ATG7: variants seen among roughly 807,000 people sequenced by gnomAD.
The protein encoded by ATG7 is autophagy related 7.
Under a neutral mutation model 82.4 loss-of-function variants are expected in ATG7, and 70 were observed. The ratio of observed to expected loss-of-function variants is 0.85; its 90% CI spans 0.70 to 1.04. The LOEUF is 1.04. Ranked by LOEUF, ATG7 falls within the 50% of genes least tolerant of loss-of-function variation. The pLI is 0.00. For synonymous variants in ATG7, 287 were observed against 313.0 expected, an observed-to-expected ratio of 0.92 and a Z score of 0.88; for missense variants, 792 against 864.3, an observed-to-expected ratio of 0.92 and a Z score of 1.05.
At chr3:11,573,286 A>G in the ATG7 span, among the ~76,000 whole-genome samples, 1 of 10,408 alleles carries the variant, frequency 9.6e-5, no homozygotes, top group South Asian at 5.6e-3. Flanking sequence ...AAAGAAAGAA[A>G]GAAAGAAAGA....
At chr3:11,330,559 T>A (rs1280063325) in intron 9 of ATG7, among the ~76,000 whole-genome samples, 1 of 152,204 alleles carries the variant, frequency 6.6e-6, no homozygotes, top group African/African-American at 2.4e-5. Flanking sequence ...TCCAAGCTTC[T>A]CTTGTATTTT....
intron 9 of ATG7, among the ~76,000 whole-genome samples, chr3:11,328,146 TTCTGAG>T (rs1260893017): frequency 6.6e-6 from 1 of 152,252 alleles, no homozygotes; most frequent in Non-Finnish European, 1.5e-5. Flanking sequence ...CCACTGGAGA[TTCTGAG>T]TCTATCACCA....
At chr3:11,479,186 C>T (rs1437358977) in intron 20 of ATG7, among the ~76,000 whole-genome samples, 1 of 152,068 alleles carries the variant, frequency 6.6e-6, no homozygotes, top group African/African-American at 2.4e-5. Context: ...TATGAAATAA[C>T]AGTTTGGCAC....
chr3:11,289,516 T>C (rs540052950), intron 3 of ATG7, among the ~76,000 whole-genome samples: 5 of 152,342 alleles, frequency 3.3e-5, no homozygotes, highest in African/African-American at 9.6e-5. Context: ...AACTATATCC[T>C]CTTATGAAAT....
intron 3 of ATG7, among the ~76,000 whole-genome samples, chr3:11,296,117 T>TCTCTAGGA (rs1467483855): frequency 1.3e-5 from 2 of 152,202 alleles, no homozygotes; most frequent in African/African-American, 4.8e-5. Flanking sequence ...CTGCGGACAT[T>TCTCTAGGA]CTCTAGGACT....
At chr3:11,292,450 G>A (rs529718034) in intron 3 of ATG7, among the ~76,000 whole-genome samples, 1 of 152,088 alleles carries the variant, frequency 6.6e-6, no homozygotes, top group African/African-American at 2.4e-5. Context: ...AGTAGAGATG[G>A]GGTTTCACCA....
intron 20 of ATG7, among the ~76,000 whole-genome samples, chr3:11,552,854 C>A (rs1426632245): frequency 2.0e-5 from 3 of 152,150 alleles, no homozygotes; most frequent in South Asian, 4.1e-4. Context: ...TGGCTGAGCA[C>A]CTATGCCTCT....
At chr3:11,391,155 C>T (rs553433660) in intron 19 of ATG7, among the ~76,000 whole-genome samples, 1 of 152,274 alleles carries the variant, frequency 6.6e-6, no homozygotes, top group South Asian at 2.1e-4. Context: ...AAAAAACTTT[C>T]CATCTTTAGA....
Position 11,325,125 on chromosome 3 carries a change from G to A in ATG7, c.679-6215G>A, listed in dbSNP as rs139583683. Among the ~76,000 whole-genome samples, 725 of 152,288 alleles carry A rather than the reference G, an allele frequency of 4.8e-3. 6 individuals are homozygous for A. The highest frequency in any genetic ancestry group is 0.017 in the African/African-American group (695 of 41,566). ...CAACAAGCTATACCAGGTAGCCCAG[G>A]TGTGGTGTAGTAGGCTATACAATCT... On this transcript the variant is annotated intron_variant, in intron 9 of 20. Transcript: ENST00000693202.
intron 20 of ATG7, among the ~76,000 whole-genome samples, chr3:11,428,064 G>C (rs1488309399): frequency 6.6e-6 from 1 of 152,184 alleles, no homozygotes; most frequent in Admixed American, 6.5e-5. Context: ...GTCCTGCAGG[G>C]GTAGTGCACT....
At chr3:11,478,993 C>CACACAA (rs201276770) in intron 20 of ATG7, among the ~76,000 whole-genome samples, 12,034 of 105,958 alleles carry the variant, frequency 0.11, 664 homozygotes, top group African/African-American at 0.17. Flanking sequence ...ATTTACAACA[C>CACACAA]ACACACACAC....
At chr3:11,477,876 T>G (rs1046854932) in intron 20 of ATG7, among the ~76,000 whole-genome samples, 1 of 152,202 alleles carries the variant, frequency 6.6e-6, no homozygotes, top group Non-Finnish European at 1.5e-5. Context: ...TTTCTCCCTG[T>G]GGCAGGAAAC....
chr3:11,306,867 T>A (rs754612957), intron 5 of ATG7, 76 bp from the exon 6 acceptor site: 13 of 1,111,116 alleles, frequency 1.2e-5, no homozygotes, highest in Non-Finnish European at 1.8e-5. Flanking sequence ...TTTATCCCAC[T>A]ACAGTGGTGG....
intron 19 of ATG7, among the ~76,000 whole-genome samples, chr3:11,384,987 A>G (rs577060297): frequency 7.9e-5 from 12 of 152,310 alleles, no homozygotes; most frequent in African/African-American, 2.6e-4. Flanking sequence ...TGAAATAACA[A>G]AAAGTCAACT....
intron 18 of ATG7, among the ~76,000 whole-genome samples, chr3:11,373,406 C>T (rs1016954117): frequency 1.3e-5 from 2 of 152,144 alleles, no homozygotes; most frequent in African/African-American, 4.8e-5. Context: ...TGGTACAGAG[C>T]AAACCACGGG....
chr3:11,305,998 C>T (rs1235894927), intron 5 of ATG7, among the ~76,000 whole-genome samples: 5 of 152,216 alleles, frequency 3.3e-5, no homozygotes, highest in Non-Finnish European at 7.3e-5. Context: ...TTTCATTTAA[C>T]ATCTGTAAAC....
At chr3:11,509,177 T>C (rs1443492276) in intron 20 of ATG7, among the ~76,000 whole-genome samples, 1 of 152,254 alleles carries the variant, frequency 6.6e-6, no homozygotes, top group Admixed American at 6.5e-5. Context: ...TAAGCAATTA[T>C]GACGCAGCGC....
At chr3:11,491,196 TC>T (rs2090316191) in intron 20 of ATG7, among the ~76,000 whole-genome samples, 1 of 152,166 alleles carries the variant, frequency 6.6e-6, no homozygotes, top group South Asian at 2.1e-4. Flanking sequence ...TCTCTAAACT[TC>T]CCTTCTTGCT....
intron 3 of ATG7, among the ~76,000 whole-genome samples, chr3:11,289,588 A>C (rs1459092693): frequency 6.6e-6 from 1 of 152,302 alleles, no homozygotes; most frequent in South Asian, 2.1e-4. Flanking sequence ...TATTTGAAGG[A>C]TGTGCCTCTT....
Sources: gnomAD v4.1 joint callset for allele counts (sites outside exome capture counted in the v4.1 genomes callset) on GRCh38, gnomAD v4.1.1 for gene constraint, MANE v1.5 for transcripts, NCBI Gene and HGNC (gene_info 2026-07-23, HGNC 2026-07-21) for gene names.